SLC4A7: variants seen among roughly 807,000 people sequenced by gnomAD.
SLC4A7 encodes solute carrier family 4 member 7, also known as sodium bicarbonate cotransporter 3.
Under a neutral mutation model 137.6 loss-of-function variants are expected in SLC4A7, and 51 were observed. That is an observed-to-expected ratio of 0.37 (90% CI 0.30 to 0.47). The LOEUF (loss-of-function observed/expected upper bound fraction) is 0.47, where lower values mean the gene tolerates loss of function less well. SLC4A7 is among the 20% of genes least tolerant of loss of function. The pLI is 1.00. For synonymous variants in SLC4A7, 542 were observed against 518.6 expected (o/e 1.05, Z -0.61); for missense variants, 1,247 against 1,525.4 (o/e 0.82, Z 3.04).
At chr3:27,411,352 G>A (rs1468838573) in intron 12 of SLC4A7, among the ~76,000 whole-genome samples, 2 of 151,888 alleles carry the variant, frequency 1.3e-5, no homozygotes, top group Non-Finnish European at 2.9e-5. Context: ...CCTTCTTCAA[G>A]AACCTTCTGT....
At chr3:27,432,889 A>G (rs1197464334) in intron 6 of SLC4A7, among the ~76,000 whole-genome samples, 1 of 152,190 alleles carries the variant, frequency 6.6e-6, no homozygotes, top group African/African-American at 2.4e-5. Flanking sequence ...CAAAAAAGAG[A>G]GTTAAAATGC....
At chr3:27,435,057 G>T (rs1315402312) in intron 5 of SLC4A7, among the ~76,000 whole-genome samples, 1 of 152,086 alleles carries the variant, frequency 6.6e-6, no homozygotes, top group East Asian at 1.9e-4. Context: ...AGAAAGTAAG[G>T]ACAATTCAAA....
chr3:27,404,765 CCTTCT>C, intron 14 of SLC4A7, 60 bp downstream of exon 14: 1 of 1,302,730 alleles, frequency 7.7e-7, no homozygotes, highest in Non-Finnish European at 1.1e-6. Flanking sequence ...TAAATAATTC[CCTTCT>C]AAGTTAATAA....
At chr3:27,430,336 A>G (rs897755272) in intron 7 of SLC4A7, among the ~76,000 whole-genome samples, 4 of 151,774 alleles carry the variant, frequency 2.6e-5, no homozygotes, top group African/African-American at 9.7e-5. Context: ...CAAGCTACCA[A>G]GGCAAGACGC....
chr3:27,418,108 G>C (rs2054572399), intron 11 of SLC4A7, among the ~76,000 whole-genome samples: 1 of 151,938 alleles, frequency 6.6e-6, no homozygotes, highest in African/African-American at 2.4e-5. Flanking sequence ...ATAAATTATG[G>C]TACATCCATG....
Position 27,424,077 on chromosome 3 carries a change from CT to C in SLC4A7, c.1225del (p.Ser409ValfsTer17). 1 of 1,611,538 alleles carries C rather than the reference CT, an allele frequency of 6.2e-7. No homozygotes were observed. Among genetic ancestry groups the C allele is most frequent in the Non-Finnish European group, 8.5e-7 (1 of 1,178,222 alleles). ...AGTACTATTTTCTCTGCTTCCACCA[CT>C]TCCATTACCTTTAATTTCTCCACTT... ...SKSGEIKGNG[S>X]GGSRENSTVD... On this transcript the variant is annotated frameshift_variant, in exon 8 of 26. Transcript: ENST00000454389. LOFTEE classifies it high-confidence loss of function.
intron 1 of SLC4A7, among the ~76,000 whole-genome samples, chr3:27,463,738 G>A (rs1024365508): frequency 5.3e-5 from 8 of 152,104 alleles, no homozygotes; most frequent in Non-Finnish European, 1.0e-4. Context: ...CAGCGGGGAA[G>A]AGCCTGACCC....
intron 1 of SLC4A7, among the ~76,000 whole-genome samples, chr3:27,483,796 G>A (rs542776452): frequency 7.8e-4 from 119 of 151,952 alleles, no homozygotes; most frequent in African/African-American, 2.7e-3. Flanking sequence ...GGGATGTCGG[G>A]GTCCCGCCTG....
intron 7 of SLC4A7, among the ~76,000 whole-genome samples, chr3:27,429,727 G>A (rs148971554): frequency 1.1e-3 from 169 of 152,096 alleles, no homozygotes; most frequent in African/African-American, 3.7e-3. Context: ...GGCACGCGCC[G>A]TAATCCCAGC....
chr3:27,404,933 ATGATGCTCC>A lies in SLC4A7; in HGVS notation c.1963_1971del (p.Gly655_Ser657del). 1 of 1,608,278 alleles carries A rather than the reference ATGATGCTCC, an allele frequency of 6.2e-7. No individual in the cohort carries two copies. Among genetic ancestry groups the A allele is most frequent in the Admixed American group, 1.7e-5 (1 of 57,988 alleles). On this transcript the variant is annotated inframe_deletion, in exon 14 of 26. Coordinates refer to ENST00000454389, the MANE Select transcript of SLC4A7 (RefSeq NM_001321103.2). ...AACAATGAATAGGCAATCCCAGTTA[ATGATGCTCC>A]AAAAAGAGACTCTATTGCACTCTGT...
intron 2 of SLC4A7, among the ~76,000 whole-genome samples, chr3:27,451,700 A>G (rs1485604388): frequency 1.3e-5 from 2 of 152,158 alleles, no homozygotes; most frequent in Non-Finnish European, 1.5e-5. Flanking sequence ...AAAGGCCATT[A>G]GTGGAAAAAC....
intron 10 of SLC4A7, among the ~76,000 whole-genome samples, chr3:27,419,190 T>C (rs1237423319): frequency 6.6e-6 from 1 of 151,958 alleles, no homozygotes; most frequent in Non-Finnish European, 1.5e-5. Flanking sequence ...ATTATAGGTA[T>C]TGATAGACGC....
chr3:27,423,785 TA>T (rs1290521935), intron 8 of SLC4A7: 3 of 379,238 alleles, frequency 7.9e-6, no homozygotes, highest in Non-Finnish European at 1.4e-5. Context: ...AATATCGTAT[TA>T]TTCACATATT....
intron 20 of SLC4A7, among the ~76,000 whole-genome samples, chr3:27,392,129 T>G (rs2051621964): frequency 1.3e-5 from 2 of 152,192 alleles, no homozygotes; most frequent in Non-Finnish European, 2.9e-5. Flanking sequence ...TGACTTCAAA[T>G]ACATAAAACA....
At chr3:27,471,108 A>G (rs531776380) in intron 1 of SLC4A7, among the ~76,000 whole-genome samples, 1 of 152,190 alleles carries the variant, frequency 6.6e-6, no homozygotes, top group African/African-American at 2.4e-5. Context: ...TGTATAAAAT[A>G]AAAAGTTTCA....
chr3:27,447,240 T>A (rs1303700647), intron 3 of SLC4A7, among the ~76,000 whole-genome samples: 1 of 152,040 alleles, frequency 6.6e-6, no homozygotes, highest in African/African-American at 2.4e-5. Flanking sequence ...AGTTTCCTCA[T>A]CTATAAAATG....
chr3:27,421,531 A>G, intron 9 of SLC4A7, 91 bp downstream of exon 9: 3 of 959,410 alleles, frequency 3.1e-6, no homozygotes, highest in Admixed American at 2.4e-5. Context: ...AGCTTTTATT[A>G]CATAAATCAA....
chr3:27,421,806 A>C, intron 8 of SLC4A7, 27 bp from the exon 9 acceptor site: 1 of 1,574,416 alleles, frequency 6.4e-7, no homozygotes, highest in Non-Finnish European at 8.7e-7. Context: ...AATTAAAAAT[A>C]AAGTTTCCGT....
chr3:27,463,399 C>T (rs62257193), intron 1 of SLC4A7, among the ~76,000 whole-genome samples: 11,675 of 152,208 alleles, frequency 0.077, 563 homozygotes, highest in Middle Eastern at 0.17. Flanking sequence ...CACTGCACTC[C>T]AGCCTCGGCG....
Sources: gnomAD v4.1 joint callset for allele counts (sites outside exome capture counted in the v4.1 genomes callset) on GRCh38, gnomAD v4.1.1 for gene constraint, MANE v1.5 for transcripts, NCBI Gene and HGNC (gene_info 2026-07-23, HGNC 2026-07-21) for gene names.